Variants in SLC9A9 observed in about 807,000 individuals in gnomAD.
The protein encoded by SLC9A9 is sodium/hydrogen exchanger 9.
A neutral mutation model predicts 77.8 loss-of-function variants in SLC9A9; 62 were observed. The ratio of observed to expected loss-of-function variants is 0.80; its 90% CI spans 0.65 to 0.98. The LOEUF is 0.98. Ranked by LOEUF, SLC9A9 falls within the 50% of genes least tolerant of loss-of-function variation. The pLI is 0.00. For synonymous variants in SLC9A9, 320 were observed against 283.5 expected (o/e 1.13, Z -1.29); for missense variants, 775 against 774.9 (o/e 1.00, Z 0.00).
At chr3:143,432,894 G>A (rs991899455) in intron 12 of SLC9A9, among the ~76,000 whole-genome samples, 3 of 152,198 alleles carry the variant, frequency 2.0e-5, no homozygotes, top group African/African-American at 4.8e-5. Context: ...CCAAAGTGCT[G>A]GGATTACAGG....
intron 4 of SLC9A9, among the ~76,000 whole-genome samples, chr3:143,741,766 A>T (rs1299656876): frequency 2.6e-5 from 4 of 152,068 alleles, no homozygotes; most frequent in Non-Finnish European, 4.4e-5. Flanking sequence ...CTTCCCCCTA[A>T]CCCATTGAAA....
intron 6 of SLC9A9, among the ~76,000 whole-genome samples, chr3:143,641,385 C>CTTTTTTTTTTTTTTTTTTT (rs529425639): frequency 2.5e-5 from 2 of 78,820 alleles, no homozygotes; most frequent in African/African-American, 4.6e-5. Flanking sequence ...TTGTCACAGT[C>CTTTTTTTTTTTTTTTTTTT]TTTTTTTTTT....
intron 5 of SLC9A9, among the ~76,000 whole-genome samples, chr3:143,683,022 C>A (rs1173858272): frequency 6.6e-6 from 1 of 152,056 alleles, no homozygotes; most frequent in African/African-American, 2.4e-5. Flanking sequence ...CTTTGGAGGG[C>A]CATTATTTTG....
intron 4 of SLC9A9, among the ~76,000 whole-genome samples, chr3:143,711,700 T>C (rs116426323): frequency 0.037 from 5,592 of 152,042 alleles, 331 homozygotes; most frequent in African/African-American, 0.13. Flanking sequence ...GCTGGGATTA[T>C]AGGCATGAGC....
intron 6 of SLC9A9, among the ~76,000 whole-genome samples, chr3:143,619,685 C>T (rs1278226868): frequency 6.6e-6 from 1 of 152,214 alleles, no homozygotes; most frequent in African/African-American, 2.4e-5. Flanking sequence ...TTAATCTCCA[C>T]TCTTTTCCAG....
intron 4 of SLC9A9, among the ~76,000 whole-genome samples, chr3:143,758,716 T>C (rs2007011550): frequency 6.6e-6 from 1 of 151,998 alleles, no homozygotes; most frequent in African/African-American, 2.4e-5. Context: ...AGTGTAATGG[T>C]TTTGGCAGAA....
At chr3:143,354,684 G>A (rs775870248) in intron 14 of SLC9A9, among the ~76,000 whole-genome samples, 19 of 152,114 alleles carry the variant, frequency 1.2e-4, no homozygotes, top group Admixed American at 9.8e-4. Flanking sequence ...CTTTTTTCAT[G>A]GGAAACAAAT....
chr3:143,739,493 A>T (rs1330149749), intron 4 of SLC9A9, among the ~76,000 whole-genome samples: 1 of 152,246 alleles, frequency 6.6e-6, no homozygotes. Context: ...ATACTTTTCT[A>T]TGAAAGAAAA....
At chr3:143,573,172 C>CT (rs969753149) in intron 8 of SLC9A9, among the ~76,000 whole-genome samples, 1 of 152,108 alleles carries the variant, frequency 6.6e-6, no homozygotes, top group African/African-American at 2.4e-5. Flanking sequence ...TATATGTCAA[C>CT]TTTTATTATT....
rs1216697478 is a variant in SLC9A9, at chr3:143,370,563, G to GCACACACA, written c.1525-7001_1525-7000insTGTGTGTG. ...TACATGTACACAAGTATATGCATGT[G>GCACACACA]CGCGCACACACACACACACACACAC... On this transcript the variant is annotated intron_variant, in intron 13 of 15. Coordinates refer to ENST00000316549, the MANE Select transcript of SLC9A9 (RefSeq NM_173653.4). Among the ~76,000 whole-genome samples, 11 of 49,986 alleles carry GCACACACA rather than the reference G, an allele frequency of 2.2e-4. No individual in the cohort carries two copies. The South Asian group carries it at 5.0e-3, about 23-fold the overall frequency. 32.8% of individuals were successfully genotyped at this position (49,986 alleles called of 152,430 possible).
At chr3:143,573,191 T>C (rs1208819114) in intron 8 of SLC9A9, among the ~76,000 whole-genome samples, 1 of 152,174 alleles carries the variant, frequency 6.6e-6, no homozygotes, top group Admixed American at 6.5e-5. Flanking sequence ...TTATTTATTA[T>C]TTAGACTTAA....
intron 12 of SLC9A9, among the ~76,000 whole-genome samples, chr3:143,463,570 C>T (rs948971127): frequency 3.9e-5 from 6 of 152,048 alleles, no homozygotes; most frequent in African/African-American, 9.7e-5. Flanking sequence ...TTTTCCTCAC[C>T]GCCAGTATTA....
At chr3:143,595,455 C>T (rs1316215615) in intron 6 of SLC9A9, among the ~76,000 whole-genome samples, 1 of 152,210 alleles carries the variant, frequency 6.6e-6, no homozygotes, top group East Asian at 1.9e-4. Flanking sequence ...TGCTGCATTA[C>T]TTTCAACATT....
chr3:143,448,207 T>C (rs1165765661), intron 12 of SLC9A9, among the ~76,000 whole-genome samples: 2 of 152,136 alleles, frequency 1.3e-5, no homozygotes. Flanking sequence ...GAATGTTTGC[T>C]AGATCCTGGG....
At chr3:143,844,709 T>G (rs902914222) in intron 1 of SLC9A9, among the ~76,000 whole-genome samples, 1 of 148,950 alleles carries the variant, frequency 6.7e-6, no homozygotes, top group Admixed American at 6.7e-5. Flanking sequence ...TTAACTTTCT[T>G]TCTCTTTCTT....
At chr3:143,336,145 G>T (rs1159307909) in intron 14 of SLC9A9, among the ~76,000 whole-genome samples, 3 of 152,136 alleles carry the variant, frequency 2.0e-5, no homozygotes, top group Non-Finnish European at 4.4e-5. Flanking sequence ...ACAAGCATAT[G>T]AAAAGATGCT....
chr3:143,492,061 G>A (rs1308984807), intron 11 of SLC9A9, among the ~76,000 whole-genome samples: 2 of 152,066 alleles, frequency 1.3e-5, no homozygotes, highest in Admixed American at 1.3e-4. Flanking sequence ...GGGAGGCCGG[G>A]GCGGGTGGAT....
chr3:143,679,253 AGGT>A (rs908678687), intron 5 of SLC9A9, among the ~76,000 whole-genome samples: 2 of 152,240 alleles, frequency 1.3e-5, no homozygotes, highest in Non-Finnish European at 2.9e-5. Context: ...ACACTGGGGC[AGGT>A]GTTCATGGGG....
At chr3:143,504,156 G>T in intron 9 of SLC9A9, 1 of 384,430 alleles carries the variant, frequency 2.6e-6, no homozygotes, top group South Asian at 2.3e-5. Context: ...TGCAGTTGAG[G>T]ACAGTGAGGG....
Sources: allele counts gnomAD v4.1 joint callset (sites outside exome capture counted in the v4.1 genomes callset), GRCh38; gene constraint gnomAD v4.1.1; transcripts MANE v1.5; gene names NCBI Gene and HGNC (gene_info 2026-07-23, HGNC 2026-07-21).